ADCY2: variants seen among roughly 807,000 people sequenced by gnomAD.
The protein encoded by ADCY2 is adenylate cyclase type 2.
In ADCY2, 31 loss-of-function variants were observed where a neutral mutation model predicts 125.2. That is an observed-to-expected ratio of 0.25 (90% CI 0.19 to 0.33). The LOEUF (loss-of-function observed/expected upper bound fraction) is 0.33, where lower values mean the gene tolerates loss of function less well. Among genes scored for constraint, ADCY2 ranks in the 10% least tolerant of loss-of-function variants. The probability of loss-of-function intolerance (pLI) is 1.00; values close to 1 mark genes in which losing one functional copy is unlikely to be tolerated. For missense variants in ADCY2, 904 were observed against 1,418.2 expected, an observed-to-expected ratio of 0.64 and a Z score of 5.82; for synonymous variants, 512 against 548.4, an observed-to-expected ratio of 0.93 and a Z score of 0.93.
chr5:7,646,267 T>C (rs1439531157), intron 4 of ADCY2, among the ~76,000 whole-genome samples: 2 of 151,548 alleles, frequency 1.3e-5, no homozygotes, highest in African/African-American at 2.4e-5. Context: ...TGATTTTACC[T>C]TGAGAGGTAT....
chr5:7,662,720 A>C (rs1739574217), intron 4 of ADCY2, among the ~76,000 whole-genome samples: 1 of 152,156 alleles, frequency 6.6e-6, no homozygotes, highest in Non-Finnish European at 1.5e-5. Flanking sequence ...ACTTACCTGG[A>C]TGCTGTTGCA....
chr5:7,405,681 G>C (rs1045444845), intron 1 of ADCY2, among the ~76,000 whole-genome samples: 1 of 152,192 alleles, frequency 6.6e-6, no homozygotes, highest in African/African-American at 2.4e-5. Context: ...GAGCCATGTG[G>C]CTAGAGCCAG....
chr5:7,697,171 A>T (rs13180398), intron 6 of ADCY2, among the ~76,000 whole-genome samples: 2 of 151,646 alleles, frequency 1.3e-5, no homozygotes, highest in African/African-American at 2.4e-5. Flanking sequence ...AATCTGCAGG[A>T]GCGCTATTGC....
intron 1 of ADCY2, among the ~76,000 whole-genome samples, chr5:7,397,956 A>G (rs1030195333): frequency 2.0e-5 from 3 of 152,162 alleles, no homozygotes; most frequent in Admixed American, 6.5e-5. Flanking sequence ...TCTCTTTACT[A>G]CTTTTAGGAA....
intron 16 of ADCY2, among the ~76,000 whole-genome samples, chr5:7,765,965 GAA>G (rs1743363012): frequency 6.6e-6 from 1 of 152,098 alleles, no homozygotes; most frequent in South Asian, 2.1e-4. Context: ...ATGAGAGAGA[GAA>G]AAAGAGAGAT....
chr5:7,763,069 TTG>T (rs1351641476), intron 16 of ADCY2, among the ~76,000 whole-genome samples: 3 of 152,066 alleles, frequency 2.0e-5, no homozygotes, highest in Non-Finnish European at 4.4e-5. Context: ...GTTTGTTTGT[TTG>T]TTTGTTTGTT....
chr5:7,759,592 AC>A (rs1367656756), intron 16 of ADCY2, among the ~76,000 whole-genome samples: 1 of 152,088 alleles, frequency 6.6e-6, no homozygotes, highest in African/African-American at 2.4e-5. Flanking sequence ...TGTTTGCATC[AC>A]CCGAGGCTCA....
Position 7,557,470 on chromosome 5 carries a change from C to T in ADCY2, c.570+36571C>T, listed in dbSNP as rs534450602. Reference sequence around the variant, plus strand: ...TTTTGTTGTACAGATTATTTCATCACCCAGGTATTAAGCCTAGTACCCATT... The same window carrying T: ...TTTTGTTGTACAGATTATTTCATCATCCAGGTATTAAGCCTAGTACCCATT... On this transcript the variant is annotated intron_variant, in intron 3 of 24. Transcript: ENST00000338316. Among the ~76,000 whole-genome samples, 5 of 152,004 alleles carry T rather than the reference C, an allele frequency of 3.3e-5. No homozygotes were observed. In the South Asian group the frequency reaches 1.0e-3, roughly 32 times the overall value.
intron 4 of ADCY2, among the ~76,000 whole-genome samples, chr5:7,689,790 ATTTG>A (rs1345206368): frequency 6.6e-6 from 1 of 152,224 alleles, no homozygotes. Flanking sequence ...TTGAACAAAT[ATTTG>A]TTTATCAACA....
intron 15 of ADCY2, 60 bp from the exon 16 acceptor site, chr5:7,757,389 G>A: frequency 6.3e-7 from 1 of 1,577,868 alleles, no homozygotes; most frequent in South Asian, 1.2e-5. Flanking sequence ...TTGTCATCAA[G>A]AAACTGGAGA....
intron 4 of ADCY2, among the ~76,000 whole-genome samples, chr5:7,633,776 A>C (rs1561136162): frequency 6.6e-6 from 1 of 152,208 alleles, no homozygotes; most frequent in Non-Finnish European, 1.5e-5. Flanking sequence ...GAAGTCATGT[A>C]CTAAGGAGAG....
At chr5:7,449,885 T>C (rs980408519) in intron 2 of ADCY2, among the ~76,000 whole-genome samples, 1 of 152,220 alleles carries the variant, frequency 6.6e-6, no homozygotes, top group African/African-American at 2.4e-5. Context: ...TCTGCTATAG[T>C]GACCTGTGAC....
intron 4 of ADCY2, among the ~76,000 whole-genome samples, chr5:7,632,982 C>T (rs1397009573): frequency 2.0e-5 from 3 of 152,016 alleles, no homozygotes; most frequent in African/African-American, 7.2e-5. Context: ...AAGGAGGAGT[C>T]AACAGTTACA....
intron 24 of ADCY2, among the ~76,000 whole-genome samples, chr5:7,825,450 C>T (rs1745447250): frequency 6.6e-6 from 1 of 152,246 alleles, no homozygotes; most frequent in South Asian, 2.1e-4. Flanking sequence ...AGCCCTGTCA[C>T]ACCCACCTGG....
At chr5:7,423,301 A>G (rs2126355850) in intron 2 of ADCY2, among the ~76,000 whole-genome samples, 1 of 152,206 alleles carries the variant, frequency 6.6e-6, no homozygotes, top group Non-Finnish European at 1.5e-5. Context: ...CCCTACTGTG[A>G]GTTCCCAGCC....
intron 2 of ADCY2, among the ~76,000 whole-genome samples, chr5:7,429,905 A>G (rs1382297008): frequency 3.3e-5 from 5 of 152,330 alleles, no homozygotes; most frequent in African/African-American, 1.2e-4. Context: ...CAGGAAAACA[A>G]TAATCAGTGA....
intron 14 of ADCY2, among the ~76,000 whole-genome samples, chr5:7,739,662 C>G (rs1367590115): frequency 6.6e-6 from 1 of 151,500 alleles, no homozygotes; most frequent in African/African-American, 2.4e-5. Flanking sequence ...AAACCACTAG[C>G]AAGACTGATG....
chr5:7,747,365 T>C (rs1002801141), intron 15 of ADCY2, among the ~76,000 whole-genome samples: 1 of 152,224 alleles, frequency 6.6e-6, no homozygotes, highest in African/African-American at 2.4e-5. Context: ...CTTGAATATA[T>C]AGAGTTCCTT....
chr5:7,399,237 T>C (rs902886986), intron 1 of ADCY2, among the ~76,000 whole-genome samples: 14 of 152,232 alleles, frequency 9.2e-5, no homozygotes, highest in Non-Finnish European at 1.8e-4. Flanking sequence ...TCAGTTCTTA[T>C]AGAAGTTTGG....
Sources: gnomAD v4.1 joint callset for allele counts (sites outside exome capture counted in the v4.1 genomes callset) on GRCh38, gnomAD v4.1.1 for gene constraint, MANE v1.5 for transcripts, NCBI Gene and HGNC (gene_info 2026-07-23, HGNC 2026-07-21) for gene names.